Variants in NOS2 observed in about 807,000 individuals in gnomAD.
The protein encoded by NOS2 is nitric oxide synthase 2.
Under a neutral mutation model 136.0 loss-of-function variants are expected in NOS2, and 96 were observed. The ratio of observed to expected loss-of-function variants is 0.71; its 90% CI spans 0.60 to 0.84. NOS2 has a LOEUF of 0.84. Among genes scored for constraint, NOS2 ranks in the 40% least tolerant of loss-of-function variants. The pLI is 0.00. For synonymous variants in NOS2, 539 were observed against 587.5 expected (o/e 0.92, Z 1.20); for missense variants, 1,237 against 1,496.9 (o/e 0.83, Z 2.87).
chr17:27,769,219 C>A, intron 16 of NOS2, 68 bp from the exon 17 acceptor site: 3 of 1,470,048 alleles, frequency 2.0e-6, no homozygotes, highest in Non-Finnish European at 2.8e-6. Context: ...CACCCAGCAC[C>A]AACAGCCTGG....
In NOS2 at chr17:27,787,835, A is replaced by G; in HGVS notation, c.319-9T>C. 6.2e-7 allele frequency: 1 copy of G among 1,606,472 alleles called. No homozygotes were observed. The highest frequency in any genetic ancestry group is 2.3e-5 in the East Asian group (1 of 44,356). On this transcript the variant is annotated splice_polypyrimidine_tract_variant and intron_variant, in intron 4 of 26. Transcript: ENST00000313735. The stretch of plus-strand genomic sequence containing the variant: ...GACCTGCAAGTTAAAATCTGGAAAG[A>G]GAGAGGCAGGTGGTGAGGGTGGGCC...
chr17:27,757,856 C>A lies in NOS2; in HGVS notation c.3355-503G>T, dbSNP rs181707389. The stretch of plus-strand genomic sequence containing the variant: ...AAATGCCTGTTATCTCCTCACTGTT[C>A]TTCAAACACGCCAGCTTAACTCCCA... On this transcript the variant is annotated intron_variant, in intron 26 of 26. Coordinates refer to ENST00000313735, the MANE Select transcript of NOS2 (RefSeq NM_000625.4). Among the ~76,000 whole-genome samples the A allele has an allele frequency of 9.2e-5, 14 of 152,322 alleles. No individual in the cohort carries two copies. The East Asian group carries it at 2.7e-3, about 29-fold the overall frequency.
intron 15 of NOS2, among the ~76,000 whole-genome samples, 191 bp downstream of exon 15, chr17:27,770,722 T>C (rs572954093): frequency 1.4e-4 from 21 of 152,304 alleles, no homozygotes; most frequent in African/African-American, 3.6e-4. Flanking sequence ...ATTAAATATG[T>C]CATAGGAAAG....
At chr17:27,786,143 C>A (rs1350046228) in intron 5 of NOS2, among the ~76,000 whole-genome samples, 1 of 151,726 alleles carries the variant, frequency 6.6e-6, no homozygotes. Context: ...CATTTCTGGG[C>A]CGGGCTCGGT....
At chr17:27,795,696 C>G (rs1396941769) in intron 2 of NOS2, among the ~76,000 whole-genome samples, 1 of 152,198 alleles carries the variant, frequency 6.6e-6, no homozygotes, top group African/African-American at 2.4e-5. Flanking sequence ...GGGTCCTCAT[C>G]TTTAAAATGG....
intron 22 of NOS2, among the ~76,000 whole-genome samples, 166 bp downstream of exon 22, chr17:27,762,632 G>T (rs949102900): frequency 6.6e-6 from 1 of 152,190 alleles, no homozygotes. Flanking sequence ...TTTAGTGCCT[G>T]GTTCCTAGAG....
intron 1 of NOS2, among the ~76,000 whole-genome samples, chr17:27,799,601 C>A (rs1314689234): frequency 6.6e-6 from 1 of 152,116 alleles, no homozygotes; most frequent in Non-Finnish European, 1.5e-5. Context: ...CCCAGCATTT[C>A]GGGAGACCGA....
At chr17:27,765,507 A>G (rs1167248416) in intron 20 of NOS2, 28 bp downstream of exon 20, 6 of 1,557,470 alleles carry the variant, frequency 3.9e-6, no homozygotes, top group Non-Finnish European at 5.2e-6. Flanking sequence ...GGTGCCAGGC[A>G]GCACTGGCTT....
At chr17:27,768,906 G>A in intron 17 of NOS2, 71 bp downstream of exon 17, 1 of 1,458,284 alleles carries the variant, frequency 6.9e-7, no homozygotes, top group Non-Finnish European at 9.1e-7. Context: ...GGGACGCCCA[G>A]CACAGATGTC....
In NOS2 at chr17:27,772,311, G is replaced by A. The variant is rs1381308436; in HGVS notation, c.1701C>T (p.Pro567=). The A allele has an allele frequency of 1.9e-6, 3 of 1,614,134 alleles. No homozygotes were observed. The highest frequency in any genetic ancestry group is 2.7e-5 in the African/African-American group (2 of 75,052). The change falls in exon 14 of 27, where the codon CCC becomes CCT. Residue 567 remains proline (P), a synonymous_variant. Transcript: ENST00000313735. ...AGCCATCCCACTGAGCCAGTACCTTGGGGTTGAAGGCACAGCTGAATAAGG... is the reference window on the plus strand; with the variant it reads ...AGCCATCCCACTGAGCCAGTACCTTAGGGTTGAAGGCACAGCTGAATAAGG... ...LGALFSCAFN[P]KVVCMDKYRL...
intron 20 of NOS2, among the ~76,000 whole-genome samples, chr17:27,764,518 A>C (rs1404916597): frequency 4.6e-5 from 7 of 152,242 alleles, no homozygotes; most frequent in Non-Finnish European, 8.8e-5. Flanking sequence ...GAAGCCCATG[A>C]CTGCAGTCCC....
In NOS2 at chr17:27,770,847, A is replaced by G. The variant is rs566668685; in HGVS notation, c.1809+66T>C. 8 of 1,201,648 alleles carry G rather than the reference A, an allele frequency of 6.7e-6. No individual in the cohort carries two copies. In the East Asian group the frequency reaches 7.3e-5, roughly 11 times the overall value. 74.4% of individuals were successfully genotyped at this position (1,201,648 alleles called of 1,614,324 possible). On this transcript the variant is annotated intron_variant, in intron 15 of 26. Coordinates refer to ENST00000313735, the MANE Select transcript of NOS2 (RefSeq NM_000625.4). ...CTCCGTAGGACCTGCCGCATCCCCC[A>G]GACCCTTTCCTGGGTCCTCCCGTGC...
At chr17:27,772,562 G>T in intron 13 of NOS2, 110 bp from the exon 14 acceptor site, 2 of 1,297,600 alleles carry the variant, frequency 1.5e-6, no homozygotes, top group South Asian at 1.4e-5. Context: ...GGCAGGTTGA[G>T]GGAAAAGCAA....
At chr17:27,798,397 C>T (rs926530167) in intron 2 of NOS2, among the ~76,000 whole-genome samples, 13 of 151,350 alleles carry the variant, frequency 8.6e-5, no homozygotes, top group African/African-American at 3.2e-4. Context: ...GTGCCCACCA[C>T]GAGGCTCTAC....
intron 26 of NOS2, among the ~76,000 whole-genome samples, chr17:27,758,034 C>G (rs543137189): frequency 6.6e-6 from 1 of 152,190 alleles, no homozygotes; most frequent in African/African-American, 2.4e-5. Flanking sequence ...ATTACACTCC[C>G]CAGCGTTCCC....
At chr17:27,765,858 T>G in intron 19 of NOS2, 142 bp from the exon 20 acceptor site, 2 of 921,268 alleles carry the variant, frequency 2.2e-6, no homozygotes, top group Non-Finnish European at 3.2e-6. Flanking sequence ...ACCCTGAGCT[T>G]GGGATGAGGC....
Position 27,761,188 on chromosome 17 carries a change from G to C in NOS2, c.2844C>G (p.Leu948=). 6.2e-7 allele frequency: 1 copy of C among 1,610,002 alleles called. No individual in the cohort carries two copies. The highest frequency in any genetic ancestry group is 8.5e-7 in the Non-Finnish European group (1 of 1,178,930). The change falls in exon 23 of 27, where the codon CTC becomes CTG. Residue 948 remains leucine, a synonymous_variant. Transcript: ENST00000313735. ...CTGGGTCTTGGGGCTTCAGGCTGTT[G>C]AGCCATGTGCTGCAGACGCCGTGGT... The part of the protein sequence containing the change: ...PLHHGVCSTW[L]NSLKPQDPVP...
Position 27,787,837 on chromosome 17 carries a change from A to T in NOS2, c.319-11T>A, listed in dbSNP as rs202034897. ...CCTGCAAGTTAAAATCTGGAAAGAG[A>T]GAGGCAGGTGGTGAGGGTGGGCCAT... On this transcript the variant is annotated splice_polypyrimidine_tract_variant and intron_variant, in intron 4 of 26. Transcript: ENST00000313735. 1.5e-5 allele frequency: 24 copies of T among 1,605,836 alleles called. No individual in the cohort carries two copies. The East Asian group carries it at 5.4e-4, about 36-fold the overall frequency.
At chr17:27,797,352 A>G (rs577218965) in intron 2 of NOS2, among the ~76,000 whole-genome samples, 1 of 152,366 alleles carries the variant, frequency 6.6e-6, no homozygotes, top group African/African-American at 2.4e-5. Flanking sequence ...GCCCTGTGCT[A>G]AGTTGCTCAC....
Sources: gnomAD v4.1 joint callset for allele counts (sites outside exome capture counted in the v4.1 genomes callset) on GRCh38, gnomAD v4.1.1 for gene constraint, MANE v1.5 for transcripts, NCBI Gene and HGNC (gene_info 2026-07-23, HGNC 2026-07-21) for gene names.